Variants in SRRM3 observed in about 807,000 individuals in gnomAD.
The protein encoded by SRRM3 is serine/arginine repetitive matrix protein 3.
Under a neutral mutation model 66.2 loss-of-function variants are expected in SRRM3, and 27 were observed. The observed-to-expected ratio is 0.41, with a 90% confidence interval of 0.30 to 0.56. SRRM3 has a LOEUF of 0.56. Among genes scored for constraint, SRRM3 ranks in the 20% least tolerant of loss-of-function variants. The pLI, the probability that SRRM3 is intolerant of heterozygous loss-of-function variation, is 0.32. For synonymous variants in SRRM3, 391 were observed against 414.9 expected (o/e 0.94, Z 0.70); for missense variants, 918 against 991.9 (o/e 0.93, Z 1.00).
chr7:76,241,886 C>A (rs1361616476), intron 2 of SRRM3, among the ~76,000 whole-genome samples: 1 of 152,204 alleles, frequency 6.6e-6, no homozygotes, highest in Admixed American at 6.5e-5. Context: ...TGTTAGCCCA[C>A]TTTGCATTGC....
rs186911167 is a variant in SRRM3 at position 76,227,558 on chromosome 7, C to T, written c.-39-7470C>T. On this transcript the variant is annotated intron_variant, in intron 1 of 14. Coordinates refer to ENST00000611745, the MANE Select transcript of SRRM3 (RefSeq NM_001110199.3). ...CTCTGGCAGCCCTGCCTCCTGCTCCCTCCCAGCCTTGCTGGGAAGCCTGCC... is the reference window on the plus strand; with the variant it reads ...CTCTGGCAGCCCTGCCTCCTGCTCCTTCCCAGCCTTGCTGGGAAGCCTGCC... Among the ~76,000 whole-genome samples, 202 of 152,352 alleles carry T rather than the reference C, an allele frequency of 1.3e-3. 10 individuals are homozygous for T. In the South Asian group the frequency reaches 0.037, roughly 28 times the overall value.
chr7:76,206,705 C>T (rs67070387), intron 1 of SRRM3, among the ~76,000 whole-genome samples: 7,780 of 152,248 alleles, frequency 0.051, 278 homozygotes, highest in East Asian at 0.15. Context: ...GCCATGTGTA[C>T]ATTGGCTCCA....
chr7:76,256,867 G>A (rs782518880), intron 3 of SRRM3, among the ~76,000 whole-genome samples: 1 of 151,768 alleles, frequency 6.6e-6, no homozygotes, highest in Non-Finnish European at 1.5e-5. Flanking sequence ...GCGCCACCAC[G>A]CCTGGCTAAT....
intron 1 of SRRM3, among the ~76,000 whole-genome samples, chr7:76,218,311 C>A (rs1277235110): frequency 6.6e-6 from 1 of 152,348 alleles, no homozygotes; most frequent in East Asian, 1.9e-4. Context: ...CTGATTTGCA[C>A]CCTCCCGGGA....
chr7:76,225,014 A>G (rs1800821520), intron 1 of SRRM3, among the ~76,000 whole-genome samples: 1 of 152,126 alleles, frequency 6.6e-6, no homozygotes, highest in Admixed American at 6.6e-5. Context: ...GCCCCGGTCT[A>G]TTACCGAAGT....
chr7:76,220,903 G>C (rs1039938224), intron 1 of SRRM3, among the ~76,000 whole-genome samples: 5 of 152,034 alleles, frequency 3.3e-5, no homozygotes, highest in African/African-American at 1.2e-4. Flanking sequence ...TCCCCCCACC[G>C]CGTCTTCTGG....
chr7:76,214,885 A>G (rs1454522260), intron 1 of SRRM3, among the ~76,000 whole-genome samples: 4 of 152,102 alleles, frequency 2.6e-5, no homozygotes, highest in Non-Finnish European at 5.9e-5. Context: ...CTGGGATTAC[A>G]GACATGAGCC....
At chr7:76,281,034 C>T (rs1305121610) in intron 11 of SRRM3, among the ~76,000 whole-genome samples, 2 of 145,128 alleles carry the variant, frequency 1.4e-5, no homozygotes, top group African/African-American at 5.1e-5. Flanking sequence ...TCCTCCCTTG[C>T]TCTCTCCTCT....
intron 8 of SRRM3, among the ~76,000 whole-genome samples, chr7:76,264,181 T>C (rs1382098594): frequency 4.0e-5 from 6 of 150,420 alleles, no homozygotes; most frequent in Middle Eastern, 6.9e-3. Context: ...TTTTTTTTTT[T>C]CCTGAGACGG....
At chr7:76,241,221 A>C (rs1414579226) in intron 2 of SRRM3, among the ~76,000 whole-genome samples, 1 of 152,086 alleles carries the variant, frequency 6.6e-6, no homozygotes, top group Non-Finnish European at 1.5e-5. Context: ...TTTGAGTTTG[A>C]AGCTTTGGCC....
chr7:76,203,041 G>A (rs1014363434), intron 1 of SRRM3, among the ~76,000 whole-genome samples: 4 of 152,342 alleles, frequency 2.6e-5, no homozygotes, highest in African/African-American at 4.8e-5. Flanking sequence ...AAGAGAAAAG[G>A]CAGGTGCTGG....
At chr7:76,222,394 A>G (rs1461577920) in intron 1 of SRRM3, among the ~76,000 whole-genome samples, 1 of 146,088 alleles carries the variant, frequency 6.8e-6, no homozygotes, top group Non-Finnish European at 1.5e-5. Flanking sequence ...AGCCTGGGTG[A>G]TAGGAGACCC....
chr7:76,237,447 C>T (rs545729630), intron 2 of SRRM3, among the ~76,000 whole-genome samples: 4 of 152,082 alleles, frequency 2.6e-5, no homozygotes, highest in African/African-American at 9.6e-5. Context: ...TGGTGACGAG[C>T]GCCTGTAGTC....
chr7:76,235,373 A>G, intron 2 of SRRM3, 74 bp downstream of exon 2: 1 of 1,265,182 alleles, frequency 7.9e-7, no homozygotes. Flanking sequence ...GTGATGCTGC[A>G]CGTGGGCGTG....
chr7:76,269,861 TG>T (rs1802168530), intron 11 of SRRM3: 1 of 151,916 alleles, frequency 6.6e-6, no homozygotes, highest in Non-Finnish European at 1.5e-5. Context: ...TGTGTTACTG[TG>T]GGAACCTTTC....
chr7:76,276,085 A>T lies in SRRM3; in HGVS notation c.1009-5356A>T, dbSNP rs7798755. Among the ~76,000 whole-genome samples, 880 of 148,180 alleles carry T rather than the reference A, an allele frequency of 5.9e-3. 8 individuals carry two copies. Among genetic ancestry groups the T allele is most frequent in the African/African-American group, 0.02 (809 of 40,084 alleles). On this transcript the variant is annotated intron_variant, in intron 11 of 14. Transcript: ENST00000611745. Reference sequence around the variant, plus strand: ...GCAGAGCCAGACCCCCATCTCAAAAAATATATATATATATATATTACACAA... The same window carrying T: ...GCAGAGCCAGACCCCCATCTCAAAATATATATATATATATATATTACACAA...
chr7:76,260,723 G>T, intron 5 of SRRM3, 151 bp from the exon 6 acceptor site: 1 of 715,996 alleles, frequency 1.4e-6, no homozygotes. Context: ...CAACACTAGT[G>T]CGAGTGGCCC....
chr7:76,282,028 C>G (rs73373462), intron 12 of SRRM3, among the ~76,000 whole-genome samples: 1 of 137,222 alleles, frequency 7.3e-6, no homozygotes, highest in South Asian at 2.5e-4. Context: ...CTCAACCCCC[C>G]ACGGAGCTCT....
At position 76,261,012 on chromosome 7, in the gene SRRM3, C is replaced by G. The variant is rs1406661957; in HGVS notation, c.575+109C>G. 7.5e-6 allele frequency: 9 copies of G among 1,193,510 alleles called. No homozygotes were observed. In the African/African-American group the frequency reaches 1.4e-4, roughly 18 times the overall value. The allele number at this position is 1,193,510 out of a possible 1,614,324, so 73.9% of individuals were successfully genotyped here. ...GAGGCCTGGACCCTCAGGGCCTGCA[C>G]CTGGACACTGCCAAGGTGCAAGTTT... On this transcript the variant is annotated intron_variant, in intron 6 of 14. Coordinates refer to ENST00000611745, the MANE Select transcript of SRRM3 (RefSeq NM_001110199.3).
Sources: gnomAD v4.1 joint callset for allele counts (sites outside exome capture counted in the v4.1 genomes callset) on GRCh38, gnomAD v4.1.1 for gene constraint, MANE v1.5 for transcripts, NCBI Gene and HGNC (gene_info 2026-07-23, HGNC 2026-07-21) for gene names.